PTPRD: variants seen among roughly 807,000 people sequenced by gnomAD.
PTPRD encodes receptor-type tyrosine-protein phosphatase delta.
PTPRD carries 34 observed loss-of-function variants against 214.5 expected under a neutral mutation model. The observed-to-expected ratio is 0.16, with a 90% CI of 0.12 to 0.21. The LOEUF is 0.21. Among genes scored for constraint, PTPRD ranks in the 10% least tolerant of loss-of-function variants. The pLI, the probability that PTPRD is intolerant of heterozygous loss-of-function variation, is 1.00. For synonymous variants in PTPRD, 1,128 were observed against 845.7 expected (o/e 1.33, Z -5.79); for missense variants, 2,545 against 2,398.7 (o/e 1.06, Z -1.27).
chr9:9,112,950 C>A (rs1457329680), intron 10 of PTPRD, among the ~76,000 whole-genome samples: 1 of 151,184 alleles, frequency 6.6e-6, no homozygotes, highest in Non-Finnish European at 1.5e-5. Context: ...TTTTAGAAAT[C>A]TGAGCTCCTA....
intron 14 of PTPRD, among the ~76,000 whole-genome samples, chr9:8,588,388 C>G (rs1171441696): frequency 2.0e-5 from 3 of 152,112 alleles, no homozygotes; most frequent in Non-Finnish European, 4.4e-5. Context: ...CTTATGACAA[C>G]TGCAATAACC....
rs550726261 is a variant in PTPRD at position 9,806,217 on chromosome 9, A to T, written c.-367-39366T>A. Among the ~76,000 whole-genome samples the T allele has an allele frequency of 8.5e-5, 13 of 152,108 alleles. No individual in the cohort carries two copies. The South Asian group carries it at 2.7e-3, about 32-fold the overall frequency. ...AGGAATGTCAGGCAACCATCAGAAG[A>T]TGGTCAGGCCGTTATCACACTGTCT... On this transcript the variant is annotated intron_variant, in intron 5 of 45. Coordinates refer to ENST00000381196, the MANE Select transcript of PTPRD (RefSeq NM_002839.4).
intron 4 of PTPRD, among the ~76,000 whole-genome samples, chr9:9,956,497 G>A (rs1267140848): frequency 6.6e-6 from 1 of 152,036 alleles, no homozygotes; most frequent in African/African-American, 2.4e-5. Flanking sequence ...AGTGGATTAT[G>A]TTTCAAGTGG....
intron 4 of PTPRD, among the ~76,000 whole-genome samples, chr9:9,979,042 ATAT>A (rs1566890501): frequency 6.6e-6 from 1 of 152,098 alleles, no homozygotes; most frequent in Non-Finnish European, 1.5e-5. Flanking sequence ...CTCAGAGAAA[ATAT>A]TATTTTTTTA....
chr9:9,619,379 G>A (rs1457670069), intron 7 of PTPRD, among the ~76,000 whole-genome samples: 1 of 151,710 alleles, frequency 6.6e-6, no homozygotes, highest in Non-Finnish European at 1.5e-5. Flanking sequence ...AAATATCACA[G>A]AAGGTGGCTA....
chr9:8,342,263 T>C (rs553096126), intron 39 of PTPRD, among the ~76,000 whole-genome samples: 2 of 152,192 alleles, frequency 1.3e-5, no homozygotes, highest in South Asian at 4.2e-4. Context: ...AAAGTGAACA[T>C]TATTTCGAAA....
chr9:8,428,173 T>C (rs2094812375), intron 35 of PTPRD, among the ~76,000 whole-genome samples: 1 of 152,180 alleles, frequency 6.6e-6, no homozygotes, highest in Non-Finnish European at 1.5e-5. Flanking sequence ...TTATTCCCAC[T>C]GCTGGCTCAA....
At position 9,892,744 on chromosome 9, in the gene PTPRD, T is replaced by TAAA. The variant is rs34445709; in HGVS notation, c.-368+45760_-368+45762dup. 4.8e-3 allele frequency among the ~76,000 whole-genome samples: 691 copies of TAAA among 144,248 alleles called. 3 individuals are homozygous for TAAA. Among genetic ancestry groups the TAAA allele is most frequent in the African/African-American group, 0.016 (648 of 39,568 alleles). 94.6% of individuals were successfully genotyped at this position (144,248 alleles called of 152,430 possible). The stretch of plus-strand genomic sequence containing the variant: ...TTAGGAGCCCATTATAATAACGAGG[T>TAAA]AAAAAAAAAAAAATTGTGTCTTGTT... On this transcript the variant is annotated intron_variant, in intron 5 of 45. Coordinates refer to ENST00000381196, the MANE Select transcript of PTPRD (RefSeq NM_002839.4).
chr9:9,457,776 G>C (rs527710538), intron 8 of PTPRD, among the ~76,000 whole-genome samples: 1 of 151,848 alleles, frequency 6.6e-6, no homozygotes, highest in South Asian at 2.1e-4. Flanking sequence ...CCAAATACAG[G>C]GGGAAGATAA....
intron 3 of PTPRD, among the ~76,000 whole-genome samples, chr9:10,186,494 T>C (rs1400383292): frequency 1.3e-5 from 2 of 152,174 alleles, no homozygotes; most frequent in Non-Finnish European, 2.9e-5. Context: ...AGCATGAGGC[T>C]ATTATAACAC....
intron 2 of PTPRD, among the ~76,000 whole-genome samples, chr9:10,477,335 C>A (rs1370443639): frequency 6.6e-6 from 1 of 152,120 alleles, no homozygotes; most frequent in Non-Finnish European, 1.5e-5. Context: ...TGTGAACAGA[C>A]ACTTCCCAAA....
chr9:8,880,397 G>C (rs1315906638), intron 11 of PTPRD, among the ~76,000 whole-genome samples: 1 of 152,160 alleles, frequency 6.6e-6, no homozygotes, highest in African/African-American at 2.4e-5. Context: ...ACAGGCACTT[G>C]CTTCTACCTT....
At chr9:10,611,906 C>CT (rs1491314620) in intron 2 of PTPRD, among the ~76,000 whole-genome samples, 1 of 14,546 alleles carries the variant, frequency 6.9e-5, no homozygotes, top group Non-Finnish European at 1.7e-4. Flanking sequence ...CCCTTTTCCG[C>CT]CCCCCCCCCC....
At chr9:10,202,173 T>A (rs1425189920) in intron 3 of PTPRD, among the ~76,000 whole-genome samples, 1 of 152,082 alleles carries the variant, frequency 6.6e-6, no homozygotes, top group African/African-American at 2.4e-5. Context: ...TAGTAAAATA[T>A]ATGCTGCTCT....
At position 9,467,588 on chromosome 9, in the gene PTPRD, C is replaced by CAAAAAAAAAAAAAAAAAAAAAAAAAA. The variant is rs1176159031; in HGVS notation, c.-236-70107_-236-70106insTTTTTTTTTTTTTTTTTTTTTTTTTT. On this transcript the variant is annotated intron_variant, in intron 8 of 45. Coordinates refer to ENST00000381196, the MANE Select transcript of PTPRD (RefSeq NM_002839.4). ...GGCGACAGAGCGGGACTCCATCTCC[C>CAAAAAAAAAAAAAAAAAAAAAAAAAA]AAAAAAAAAAAAAAAAAAAAAAGTT... is the stretch of plus-strand genomic sequence containing the variant. Among the ~76,000 whole-genome samples, 9 of 55,952 alleles carry CAAAAAAAAAAAAAAAAAAAAAAAAAA rather than the reference C, an allele frequency of 1.6e-4. 1 individual carries two copies. The highest frequency in any genetic ancestry group is 6.4e-4 in the Admixed American group (2 of 3,146). 36.7% of individuals were successfully genotyped at this position (55,952 alleles called of 152,430 possible).
In PTPRD at chr9:9,761,736, A is replaced by T. The variant is rs550176800; in HGVS notation, c.-326+5074T>A. 2.6e-5 allele frequency among the ~76,000 whole-genome samples: 4 copies of T among 151,706 alleles called. No homozygotes were observed. In the East Asian group the frequency reaches 5.8e-4, roughly 22 times the overall value. On this transcript the variant is annotated intron_variant, in intron 6 of 45. Coordinates refer to ENST00000381196, the MANE Select transcript of PTPRD (RefSeq NM_002839.4). ...TCTCAATAAAAATTTCGATGAAATT[A>T]AAAAAAAACTATTCATTATCATTCC...
At chr9:9,880,226 T>C (rs2068220982) in intron 5 of PTPRD, among the ~76,000 whole-genome samples, 1 of 152,152 alleles carries the variant, frequency 6.6e-6, no homozygotes, top group Non-Finnish European at 1.5e-5. Context: ...CCTTCCGCCA[T>C]GATTTTAAGT....
At chr9:9,212,233 T>G (rs954924205) in intron 9 of PTPRD, among the ~76,000 whole-genome samples, 1 of 152,158 alleles carries the variant, frequency 6.6e-6, no homozygotes, top group African/African-American at 2.4e-5. Context: ...ATTAGCACAT[T>G]TGAAAACAGA....
At chr9:9,682,794 G>A (rs1023569572) in intron 7 of PTPRD, among the ~76,000 whole-genome samples, 18 of 151,720 alleles carry the variant, frequency 1.2e-4, no homozygotes, top group African/African-American at 2.7e-4. Context: ...ACATAGCCAC[G>A]TGACTGTTCA....
Sources: gnomAD v4.1 joint callset for allele counts (sites outside exome capture counted in the v4.1 genomes callset) on GRCh38, gnomAD v4.1.1 for gene constraint, MANE v1.5 for transcripts, NCBI Gene and HGNC (gene_info 2026-07-23, HGNC 2026-07-21) for gene names.